ZNF383: variants seen among roughly 807,000 people sequenced by gnomAD.
ZNF383 encodes the protein zinc finger protein 383.
ZNF383 carries 32 observed loss-of-function variants against 44.2 expected under a neutral mutation model. The observed-to-expected ratio is 0.72, with a 90% CI of 0.55 to 0.97. The LOEUF is 0.97. ZNF383 is among the 50% of genes least tolerant of loss of function. The pLI, the probability that ZNF383 is intolerant of heterozygous loss-of-function variation, is 0.00. For missense variants in ZNF383, 487 were observed against 562.5 expected (o/e 0.87, Z 1.36); for synonymous variants, 155 against 186.2 (o/e 0.83, Z 1.36).
rs1973088056 is a variant in ZNF383 at position 37,224,913 on chromosome 19, C to G, written c.-72C>G. ...CCGGGTTCAAGCGATTCTCTTGCCTCAGCCTCCTGAGTAGCTGGGATTACA... is the reference window on the plus strand; with the variant it reads ...CCGGGTTCAAGCGATTCTCTTGCCTGAGCCTCCTGAGTAGCTGGGATTACA... On this transcript the variant is annotated 5_prime_UTR_variant, in exon 2 of 6. An upstream open reading frame in the 5' UTR gains an earlier in-frame stop. Coordinates refer to ENST00000684119, the MANE Select transcript of ZNF383 (RefSeq NM_001387601.1). 6.6e-6 allele frequency: 1 copy of G among 152,464 alleles called. No individual in the cohort carries two copies. Among genetic ancestry groups the G allele is most frequent in the African/African-American group, 2.4e-5 (1 of 41,368 alleles). 9.4% of individuals were successfully genotyped at this position (152,464 alleles called of 1,614,324 possible).
chr19:37,232,750 T>C (rs144896142), intron 3 of ZNF383, among the ~76,000 whole-genome samples: 1 of 152,318 alleles, frequency 6.6e-6, no homozygotes, highest in East Asian at 1.9e-4. Flanking sequence ...ATTCTTTCCA[T>C]TTAATTACCA....
Position 37,246,999 on chromosome 19 carries a change from T to C in ZNF383, c.*3335T>C, listed in dbSNP as rs1045400584. 6.6e-6 allele frequency: 1 copy of C among 152,158 alleles called. No homozygotes were observed. Among genetic ancestry groups the C allele is most frequent in the African/African-American group, 2.4e-5 (1 of 41,438 alleles). 9.4% of individuals were successfully genotyped at this position (152,158 alleles called of 1,614,324 possible). On this transcript the variant is annotated 3_prime_UTR_variant, in exon 6 of 6. Transcript: ENST00000684119. ...AAATATCTGATTATTAATTCAATAT[T>C]CCCTCTTAATTAACATGGGTTAAGG...
At chr19:37,226,072 G>C (rs1973155573) in intron 2 of ZNF383, among the ~76,000 whole-genome samples, 1 of 148,098 alleles carries the variant, frequency 6.8e-6, no homozygotes, top group South Asian at 2.1e-4. Flanking sequence ...TTTATTCTTT[G>C]AACCACCAGT....
intron 2 of ZNF383, chr19:37,227,871 T>A (rs1474012228): frequency 6.6e-6 from 1 of 152,238 alleles, no homozygotes; most frequent in Non-Finnish European, 1.5e-5. Flanking sequence ...TTTAGTTTTG[T>A]TACTGTCAAA....
Position 37,243,254 on chromosome 19 carries a change from T to G in ZNF383, c.1018T>G (p.Cys340Gly). The change falls in exon 6 of 6, where the codon TGC (cysteine) becomes GGC (glycine). Residue 340 changes from cysteine to glycine, a missense_variant. Physicochemically the swap from Cys to Gly is radical, Grantham distance 159 (BLOSUM62 -3). Coordinates refer to ENST00000684119, the MANE Select transcript of ZNF383 (RefSeq NM_001387601.1). ...RIHTGEKPYECKECGKAFSSG... is the reference protein window; with the variant it reads ...RIHTGEKPYEGKECGKAFSSG... ...TCATACTGGTGAGAAACCCTATGAG[T>G]GCAAGGAATGTGGCAAAGCCTTTAG... 1 of 1,614,092 alleles carries G rather than the reference T, an allele frequency of 6.2e-7. No homozygotes were observed. Among genetic ancestry groups the G allele is most frequent in the Non-Finnish European group, 8.5e-7 (1 of 1,180,002 alleles).
At chr19:37,240,002 C>CA (rs1974002801) in intron 5 of ZNF383, among the ~76,000 whole-genome samples, 2 of 151,896 alleles carry the variant, frequency 1.3e-5, no homozygotes, top group Admixed American at 6.6e-5. Context: ...TCCTAAAATA[C>CA]AAAAAAATTA....
chr19:37,240,157 CAAA>C (rs11296804), intron 5 of ZNF383, among the ~76,000 whole-genome samples: 7 of 138,600 alleles, frequency 5.1e-5, no homozygotes, highest in African/African-American at 7.9e-5. Context: ...CACTGCGTTT[CAAA>C]AAAAAAAAAA....
chr19:37,229,691 T>C (rs1365988646), intron 2 of ZNF383, among the ~76,000 whole-genome samples: 1 of 112,502 alleles, frequency 8.9e-6, no homozygotes, highest in African/African-American at 4.6e-5. Flanking sequence ...TGTGTGTGTA[T>C]ATATATGTAT....
chr19:37,240,378 C>G (rs1294264825), intron 5 of ZNF383, among the ~76,000 whole-genome samples: 1 of 152,102 alleles, frequency 6.6e-6, no homozygotes, highest in East Asian at 1.9e-4. Context: ...CCTGTAACCC[C>G]CCAGTAATCA....
intron 3 of ZNF383, among the ~76,000 whole-genome samples, chr19:37,232,553 T>G (rs1034834749): frequency 6.6e-6 from 1 of 152,210 alleles, no homozygotes; most frequent in Non-Finnish European, 1.5e-5. Flanking sequence ...GTTCTCTTTC[T>G]TTTTGTAATA....
intron 5 of ZNF383, 151 bp from the exon 6 acceptor site, chr19:37,242,318 C>G (rs930202919): frequency 3.8e-6 from 2 of 524,212 alleles, no homozygotes; most frequent in African/African-American, 1.9e-5. Context: ...TCTTTCTTGT[C>G]CATTTTTTCA....
intron 5 of ZNF383, among the ~76,000 whole-genome samples, chr19:37,236,998 G>GAC (rs138267448): frequency 2.0e-4 from 25 of 125,260 alleles, no homozygotes; most frequent in Admixed American, 7.2e-4. Context: ...CACACACAGA[G>GAC]ACACACACAC....
At chr19:37,236,988 CACACACAG>C (rs1342492030) in intron 5 of ZNF383, among the ~76,000 whole-genome samples, 6 of 149,108 alleles carry the variant, frequency 4.0e-5, no homozygotes, top group African/African-American at 7.6e-5. Flanking sequence ...CACACACACA[CACACACAG>C]AGACACACAC....
Position 37,241,103 on chromosome 19 carries a change from A to G in ZNF383, c.233-1366A>G, listed in dbSNP as rs529770626. On this transcript the variant is annotated intron_variant, in intron 5 of 5. Transcript: ENST00000684119. The stretch of plus-strand genomic sequence containing the variant: ...ATTACAGGTGTGAGCCACCATGCCC[A>G]GCCACCACATTCAAATTGTATCCAC... 3.9e-5 allele frequency among the ~76,000 whole-genome samples: 6 copies of G among 152,168 alleles called. No homozygotes were observed. The East Asian group carries it at 1.2e-3, about 30-fold the overall frequency.
chr19:37,240,157 C>CA (rs11296804), intron 5 of ZNF383, among the ~76,000 whole-genome samples: 49 of 138,610 alleles, frequency 3.5e-4, no homozygotes, highest in Admixed American at 8.0e-4. Flanking sequence ...CACTGCGTTT[C>CA]AAAAAAAAAA....
chr19:37,222,266 G>A (rs1047288165), intron 1 of ZNF383, among the ~76,000 whole-genome samples: 1 of 151,756 alleles, frequency 6.6e-6, no homozygotes. Flanking sequence ...GTAATAATAT[G>A]TAGTATAAAT....
intron 1 of ZNF383, among the ~76,000 whole-genome samples, chr19:37,223,289 T>C (rs1393972252): frequency 6.6e-6 from 1 of 152,176 alleles, no homozygotes; most frequent in East Asian, 1.9e-4. Context: ...TTTATCCAAA[T>C]TGATCATATG....
intron 5 of ZNF383, 151 bp from the exon 6 acceptor site, chr19:37,242,318 C>A: frequency 1.9e-6 from 1 of 524,330 alleles, no homozygotes. Flanking sequence ...TCTTTCTTGT[C>A]CATTTTTTCA....
intron 1 of ZNF383, among the ~76,000 whole-genome samples, chr19:37,219,006 C>T (rs1972797553): frequency 1.3e-5 from 2 of 152,022 alleles, no homozygotes; most frequent in Admixed American, 1.3e-4. Context: ...GCTAGTGTAA[C>T]TTATCCTCAA....
Sources: gnomAD v4.1 joint callset for allele counts (sites outside exome capture counted in the v4.1 genomes callset) on GRCh38, gnomAD v4.1.1 for gene constraint, MANE v1.5 for transcripts, NCBI Gene and HGNC (gene_info 2026-07-23, HGNC 2026-07-21) for gene names.